The following CMKLR1 variants were observed in gnomAD, a reference collection of about 807,000 sequenced individuals.
The protein encoded by CMKLR1 is chemerin chemokine-like receptor 1.
Under a neutral mutation model 8.2 loss-of-function variants are expected in CMKLR1, and 6 were observed. The observed-to-expected ratio is 0.73, with a 90% CI of 0.40 to 1.44. The LOEUF is 1.44. CMKLR1 is among the 40% of genes most tolerant of loss of function. CMKLR1 has a pLI of 0.02. For synonymous variants in CMKLR1, 178 were observed against 181.2 expected, an observed-to-expected ratio of 0.98 and a Z score of 0.14; for missense variants, 429 against 478.0, an observed-to-expected ratio of 0.90 and a Z score of 0.96.
chr12:108,333,007 C>T (rs1425989459), intron 1 of CMKLR1, among the ~76,000 whole-genome samples: 1 of 152,094 alleles, frequency 6.6e-6, no homozygotes, highest in Non-Finnish European at 1.5e-5. Context: ...AGGTGTCAAA[C>T]CCAGGATTAG....
intron 2 of CMKLR1, among the ~76,000 whole-genome samples, chr12:108,307,130 A>G (rs1891430222): frequency 1.3e-5 from 2 of 152,210 alleles, no homozygotes; most frequent in Non-Finnish European, 2.9e-5. Context: ...CCCTGACGTC[A>G]GCCTTGGGTC....
chr12:108,298,778 C>A (rs1000341728), intron 2 of CMKLR1, among the ~76,000 whole-genome samples: 15 of 152,242 alleles, frequency 9.9e-5, no homozygotes, highest in Non-Finnish European at 2.2e-4. Context: ...AGGCCCAGCA[C>A]CAAGATTCTG....
At chr12:108,321,108 C>T (rs1170789074) in intron 2 of CMKLR1, among the ~76,000 whole-genome samples, 2 of 152,166 alleles carry the variant, frequency 1.3e-5, no homozygotes, top group African/African-American at 4.8e-5. Context: ...CAGGGGTCCC[C>T]GTGGGATCAG....
At chr12:108,314,559 TGTGA>T (rs1449542791) in intron 2 of CMKLR1, among the ~76,000 whole-genome samples, 2 of 152,294 alleles carry the variant, frequency 1.3e-5, no homozygotes, top group Non-Finnish European at 2.9e-5. Flanking sequence ...TAGATATGAC[TGTGA>T]GTTTCAGTCT....
At chr12:108,326,164 A>G (rs565732615) in intron 2 of CMKLR1, among the ~76,000 whole-genome samples, 4 of 152,168 alleles carry the variant, frequency 2.6e-5, no homozygotes, top group African/African-American at 9.7e-5. Context: ...GCCCCAACGG[A>G]GGTGCAAATA....
chr12:108,329,132 T>C (rs748287528), intron 2 of CMKLR1, among the ~76,000 whole-genome samples: 5 of 152,246 alleles, frequency 3.3e-5, no homozygotes, highest in Non-Finnish European at 4.4e-5. Flanking sequence ...AATCTTCCAT[T>C]GTCCAAATGT....
Position 108,293,584 on chromosome 12 carries a change from C to G in CMKLR1, c.3+5G>C, listed in dbSNP as rs1891051635. ...TTTGGAGTTCAGACCACAAGACTTCCTCACCATTCACCGTTATGTTGTCTG... is the reference window on the plus strand; with the variant it reads ...TTTGGAGTTCAGACCACAAGACTTCGTCACCATTCACCGTTATGTTGTCTG... On this transcript the variant is annotated splice_donor_5th_base_variant and intron_variant, in intron 3 of 3. Transcript: ENST00000550402. 1.0e-5 allele frequency: 16 copies of G among 1,551,338 alleles called. No homozygotes were observed. The highest frequency in any genetic ancestry group is 2.4e-5 in the East Asian group (1 of 40,886).
chr12:108,302,968 T>C (rs1891316972), intron 2 of CMKLR1, among the ~76,000 whole-genome samples: 1 of 152,020 alleles, frequency 6.6e-6, no homozygotes, highest in Admixed American at 6.6e-5. Flanking sequence ...CCCTCCCTCC[T>C]CTCCTGAGGT....
chr12:108,292,681 G>A lies in CMKLR1; in HGVS notation c.282C>T (p.Ile94=), dbSNP rs560704906. ...ADFLFNVFLP[I]HITYAAMDYH... ...AGTCCATGGCGGCATAGGTGATATG[G>A]ATTGGGAGGAAGACGTTGAACAGGA... Residue 94 remains isoleucine (I), a synonymous_variant, in exon 4 of 4, where the codon ATC becomes ATT. Coordinates refer to ENST00000550402, the MANE Select transcript of CMKLR1 (RefSeq NM_001142343.2). 3 of 1,614,172 alleles carry A rather than the reference G, an allele frequency of 1.9e-6. No homozygotes were observed. The highest frequency in any genetic ancestry group is 1.1e-5 in the South Asian group (1 of 91,070).
At chr12:108,319,410 C>T (rs559512728) in intron 2 of CMKLR1, among the ~76,000 whole-genome samples, 2 of 152,278 alleles carry the variant, frequency 1.3e-5, no homozygotes, top group East Asian at 1.9e-4. Context: ...AACCCAAAAG[C>T]CATGTTCAAT....
At chr12:108,294,339 A>G (rs554168794) in intron 2 of CMKLR1, among the ~76,000 whole-genome samples, 15 of 152,342 alleles carry the variant, frequency 9.8e-5, no homozygotes, top group African/African-American at 3.6e-4. Flanking sequence ...TCCGCTGTGC[A>G]GACAACTTAA....
At chr12:108,308,212 T>A (rs1878024) in intron 2 of CMKLR1, among the ~76,000 whole-genome samples, 3,494 of 152,234 alleles carry the variant, frequency 0.023, 117 homozygotes, top group African/African-American at 0.077. Flanking sequence ...ATCTGTAGCA[T>A]CTGTCTCAAG....
chr12:108,332,219 G>A (rs965177922), intron 1 of CMKLR1, among the ~76,000 whole-genome samples: 1 of 152,202 alleles, frequency 6.6e-6, no homozygotes, highest in Non-Finnish European at 1.5e-5. Flanking sequence ...ATATGTATGT[G>A]ACTTGCACAT....
At position 108,291,519 on chromosome 12, in the gene CMKLR1, A is replaced by C. The variant is rs552141877; in HGVS notation, c.*322T>G. 3 of 291,786 alleles carry C rather than the reference A, an allele frequency of 1.0e-5. No individual in the cohort carries two copies. The South Asian group carries it at 1.4e-4, about 14-fold the overall frequency. 18.1% of individuals were successfully genotyped at this position (291,786 alleles called of 1,614,324 possible). On this transcript the variant is annotated 3_prime_UTR_variant, in exon 4 of 4. Transcript: ENST00000550402. ...CATTTCTGGGGCACACACAATAGGC[A>C]GCTTAATCCCACCGCCCTATGCCAA... is the stretch of plus-strand genomic sequence containing the variant.
chr12:108,334,938 G>T (rs1892187087), intron 1 of CMKLR1, among the ~76,000 whole-genome samples: 1 of 152,132 alleles, frequency 6.6e-6, no homozygotes, highest in Admixed American at 6.5e-5. Context: ...CCTTTTTCCA[G>T]GGGGAAAAGA....
intron 2 of CMKLR1, 32 bp downstream of exon 2, chr12:108,329,963 A>T (rs984199413): frequency 8.6e-5 from 13 of 151,868 alleles, no homozygotes; most frequent in Non-Finnish European, 1.6e-4. Flanking sequence ...TTAAAGATAG[A>T]CTCTAACATC....
At chr12:108,304,734 C>T (rs1891363336) in intron 2 of CMKLR1, among the ~76,000 whole-genome samples, 1 of 152,244 alleles carries the variant, frequency 6.6e-6, no homozygotes, top group Admixed American at 6.5e-5. Context: ...GGTCAGCCCT[C>T]CCCCTCTGAC....
intron 1 of CMKLR1, among the ~76,000 whole-genome samples, chr12:108,330,581 A>G (rs1309024081): frequency 6.6e-6 from 1 of 152,190 alleles, no homozygotes; most frequent in Admixed American, 6.5e-5. Flanking sequence ...TTCAATGCCA[A>G]TTCGTGATTC....
intron 2 of CMKLR1, among the ~76,000 whole-genome samples, chr12:108,327,888 T>C (rs1263861840): frequency 1.3e-5 from 2 of 152,100 alleles, no homozygotes; most frequent in African/African-American, 4.8e-5. Flanking sequence ...AAAGTGTGGA[T>C]CAGAGGCCAG....
Sources: allele counts gnomAD v4.1 joint callset (sites outside exome capture counted in the v4.1 genomes callset), GRCh38; gene constraint gnomAD v4.1.1; transcripts MANE v1.5; gene names NCBI Gene and HGNC (gene_info 2026-07-23, HGNC 2026-07-21).